CUL5: variants seen among roughly 807,000 people sequenced by gnomAD.
The protein encoded by CUL5 is cullin-5.
In CUL5, 26 loss-of-function variants were observed where a neutral mutation model predicts 108.8. The ratio of observed to expected loss-of-function variants is 0.24; its 90% CI spans 0.18 to 0.33. The LOEUF (loss-of-function observed/expected upper bound fraction) is 0.33, where lower values mean the gene tolerates loss of function less well. Ranked by LOEUF, CUL5 falls within the 10% of genes least tolerant of loss-of-function variation. CUL5 has a pLI of 1.00. For synonymous variants in CUL5, 334 were observed against 298.0 expected, an observed-to-expected ratio of 1.12 and a Z score of -1.25; for missense variants, 524 against 909.2, an observed-to-expected ratio of 0.58 and a Z score of 5.45.
At chr11:108,057,333 G>A (rs1463942859) in intron 7 of CUL5, among the ~76,000 whole-genome samples, 4 of 151,980 alleles carry the variant, frequency 2.6e-5, no homozygotes, top group African/African-American at 7.2e-5. Flanking sequence ...TGGCAGTAAC[G>A]GTCAAAAGTT....
chr11:108,072,562 G>C (rs1863852340), intron 9 of CUL5, 100 bp downstream of exon 9: 2 of 1,016,700 alleles, frequency 2.0e-6, no homozygotes, highest in Middle Eastern at 2.5e-4. Flanking sequence ...GCTGGGGGTT[G>C]GGGGAGCAGA....
rs1380916130 is a variant in CUL5, at chr11:108,097,663, C to T, written c.1933C>T (p.Arg645Trp). 14 of 1,612,576 alleles carry T rather than the reference C, an allele frequency of 8.7e-6. No homozygotes were observed. The highest frequency in any genetic ancestry group is 1.2e-5 in the Non-Finnish European group (14 of 1,178,928). Reference sequence around the variant, plus strand: ...TTTAGTAGCTTTCCCAAAACTCAAACGGCAAGTTTTGTTGTATGAACCTCA... The same window carrying T: ...TTTAGTAGCTTTCCCAAAACTCAAATGGCAAGTTTTGTTGTATGAACCTCA... ...WSLVAFPKLKRQVLLYEPQVN... is the reference protein window; with the variant it reads ...WSLVAFPKLKWQVLLYEPQVN... The change falls in exon 17 of 19, where the codon CGG (arginine) becomes TGG (tryptophan). Residue 645 changes from arginine (R) to tryptophan (W), a missense_variant. Arg to Trp is a moderately radical substitution (Grantham distance 101). Transcript: ENST00000393094.
chr11:108,024,397 T>C (rs1862405752), intron 1 of CUL5, among the ~76,000 whole-genome samples: 1 of 152,156 alleles, frequency 6.6e-6, no homozygotes, highest in Non-Finnish European at 1.5e-5. Context: ...CACTCTTGCC[T>C]AGGCAACAGA....
chr11:108,055,771 C>T (rs1363764270), intron 7 of CUL5, among the ~76,000 whole-genome samples: 1 of 152,090 alleles, frequency 6.6e-6, no homozygotes, highest in Non-Finnish European at 1.5e-5. Context: ...GCTGGGACTA[C>T]AAGCGCATGC....
chr11:108,051,189 A>G (rs1393744605), intron 4 of CUL5, among the ~76,000 whole-genome samples: 1 of 152,088 alleles, frequency 6.6e-6, no homozygotes, highest in East Asian at 1.9e-4. Context: ...TCACTGCAAT[A>G]TGGGAAATTT....
intron 18 of CUL5, among the ~76,000 whole-genome samples, chr11:108,099,663 C>A (rs909701356): frequency 2.0e-5 from 3 of 152,014 alleles, no homozygotes; most frequent in African/African-American, 7.2e-5. Context: ...AATATATATA[C>A]CTATGTGAAC....
intron 7 of CUL5, among the ~76,000 whole-genome samples, chr11:108,063,922 G>T (rs1863611978): frequency 6.6e-6 from 1 of 152,150 alleles, no homozygotes; most frequent in Admixed American, 6.5e-5. Context: ...ATAGATAAAA[G>T]CTACTTTAAC....
At position 108,072,388 on chromosome 11, in the gene CUL5, T is replaced by C; in HGVS notation, c.931T>C (p.Leu311=). The change falls in exon 9 of 19, where the codon TTG becomes CTG. Residue 311 remains leucine, a synonymous_variant. Transcript: ENST00000393094. ...DKVPNGIEPM[L]KDLEEHIISA... ...AGTTCCTAATGGTATAGAGCCAATG[T>C]TGAAAGACTTGGAGGAACATATCAT... 1 of 1,612,260 alleles carries C rather than the reference T, an allele frequency of 6.2e-7. No homozygotes were observed. The highest frequency in any genetic ancestry group is 1.1e-5 in the South Asian group (1 of 90,880).
intron 18 of CUL5, among the ~76,000 whole-genome samples, chr11:108,099,005 C>CTTTTTTT (rs4027717): frequency 2.3e-5 from 3 of 133,150 alleles, no homozygotes; most frequent in Non-Finnish European, 3.1e-5. Flanking sequence ...GGCCAGTGTA[C>CTTTTTTT]TTTTTTTTTT....
chr11:108,055,585 C>T (rs1863353462), intron 7 of CUL5, among the ~76,000 whole-genome samples: 1 of 151,652 alleles, frequency 6.6e-6, no homozygotes, highest in South Asian at 2.1e-4. Context: ...GCTGGGACTA[C>T]AGGCACACGT....
At chr11:108,058,948 A>G (rs1863468154) in intron 7 of CUL5, among the ~76,000 whole-genome samples, 1 of 152,220 alleles carries the variant, frequency 6.6e-6, no homozygotes, top group South Asian at 2.1e-4. Context: ...AGGCATGTTG[A>G]CAGCAAAAAG....
intron 14 of CUL5, 40 bp from the exon 15 acceptor site, chr11:108,094,772 T>C: frequency 7.1e-7 from 1 of 1,418,234 alleles, no homozygotes; most frequent in Non-Finnish European, 9.6e-7. Flanking sequence ...ATTTTATCCA[T>C]TGTTAATTTA....
At chr11:108,019,143 A>G (rs61916871) in intron 1 of CUL5, among the ~76,000 whole-genome samples, 12,726 of 130,290 alleles carry the variant, frequency 0.098, 734 homozygotes, top group Middle Eastern at 0.3. Flanking sequence ...AGCAAATGCT[A>G]TGCCATTTTC....
intron 5 of CUL5, among the ~76,000 whole-genome samples, chr11:108,053,121 A>G (rs1170386955): frequency 1.3e-5 from 2 of 152,220 alleles, no homozygotes; most frequent in African/African-American, 4.8e-5. Context: ...TTATGTTTTC[A>G]GGAAGTAAGT....
chr11:108,012,751 C>T lies in CUL5; in HGVS notation c.24+3379C>T, dbSNP rs149700981. On this transcript the variant is annotated intron_variant, in intron 1 of 18. Transcript: ENST00000393094. ...AGCTGGGATTACAGGCACACGCCAC[C>T]ACACCCAGCTTATTTTTGTATTTTT... Among the ~76,000 whole-genome samples the T allele has an allele frequency of 3.6e-3, 541 of 152,116 alleles. 1 individual carries two copies. The highest frequency in any genetic ancestry group is 0.012 in the African/African-American group (511 of 41,506).
chr11:108,016,578 A>C (rs1427887020), intron 1 of CUL5, among the ~76,000 whole-genome samples: 1 of 152,272 alleles, frequency 6.6e-6, no homozygotes, highest in African/African-American at 2.4e-5. Flanking sequence ...TATTTTGCTT[A>C]GTGTCCTGGT....
At chr11:108,073,224 A>G (rs1863867296) in intron 9 of CUL5, among the ~76,000 whole-genome samples, 166 bp from the exon 10 acceptor site, 1 of 151,758 alleles carries the variant, frequency 6.6e-6, no homozygotes, top group African/African-American at 2.4e-5. Context: ...AGGAAGAAAG[A>G]AAAAAGAAGT....
At chr11:108,084,492 C>T (rs1386328173) in intron 11 of CUL5, among the ~76,000 whole-genome samples, 4 of 152,146 alleles carry the variant, frequency 2.6e-5, no homozygotes, top group African/African-American at 9.7e-5. Context: ...GACATATCTT[C>T]GATTCAGTGG....
At chr11:108,091,114 C>T (rs1265864058) in intron 13 of CUL5, among the ~76,000 whole-genome samples, 5 of 151,664 alleles carry the variant, frequency 3.3e-5, no homozygotes, top group Admixed American at 1.3e-4. Flanking sequence ...TGCAGTGGTG[C>T]AATCTTGACT....
Sources: gnomAD v4.1 joint callset for allele counts (sites outside exome capture counted in the v4.1 genomes callset) on GRCh38, gnomAD v4.1.1 for gene constraint, MANE v1.5 for transcripts, NCBI Gene and HGNC (gene_info 2026-07-23, HGNC 2026-07-21) for gene names.